SLC4A10: variants seen among roughly 807,000 people sequenced by gnomAD.
The protein encoded by SLC4A10 is sodium-driven chloride bicarbonate exchanger.
A neutral mutation model predicts 137.7 loss-of-function variants in SLC4A10; 42 were observed. The observed-to-expected ratio is 0.30, with a 90% CI of 0.24 to 0.39. SLC4A10 has a LOEUF of 0.39. Among genes scored for constraint, SLC4A10 ranks in the 10% least tolerant of loss-of-function variants. The pLI is 1.00. For missense variants in SLC4A10, 925 were observed against 1,355.0 expected, an observed-to-expected ratio of 0.68 and a Z score of 4.98; for synonymous variants, 474 against 464.1, an observed-to-expected ratio of 1.02 and a Z score of -0.27.
intron 20 of SLC4A10, 134 bp downstream of exon 20, chr2:161,957,374 G>GT (rs1416474604): frequency 9.4e-7 from 1 of 1,067,614 alleles, no homozygotes; most frequent in Non-Finnish European, 1.3e-6. Context: ...TCTGAACCAT[G>GT]TTTATATAAT....
At chr2:161,895,630 C>A (rs1356699921) in intron 11 of SLC4A10, among the ~76,000 whole-genome samples, 1 of 152,038 alleles carries the variant, frequency 6.6e-6, no homozygotes, top group Admixed American at 6.6e-5. Context: ...TGGTATCTCA[C>A]TGTGTTTTTG....
chr2:161,873,039 T>G (rs1004416450), intron 7 of SLC4A10, among the ~76,000 whole-genome samples: 1 of 152,140 alleles, frequency 6.6e-6, no homozygotes, highest in African/African-American at 2.4e-5. Flanking sequence ...TTTAAAAACT[T>G]TGGCTAGTTT....
intron 2 of SLC4A10, among the ~76,000 whole-genome samples, chr2:161,794,585 C>T (rs898134006): frequency 1.3e-5 from 2 of 152,048 alleles, no homozygotes; most frequent in Non-Finnish European, 2.9e-5. Context: ...GTCTAATATA[C>T]TAGCCTTATT....
At chr2:161,749,046 A>G (rs2048681268) in intron 1 of SLC4A10, among the ~76,000 whole-genome samples, 1 of 151,906 alleles carries the variant, frequency 6.6e-6, no homozygotes, top group South Asian at 2.1e-4. Flanking sequence ...GCTATTGTAA[A>G]TGAGGTTGTT....
intron 10 of SLC4A10, among the ~76,000 whole-genome samples, chr2:161,888,483 T>C (rs1403097778): frequency 1.3e-5 from 2 of 152,220 alleles, no homozygotes; most frequent in Non-Finnish European, 1.5e-5. Flanking sequence ...CAGTGGTTTC[T>C]AGTTCTCCTT....
intron 23 of SLC4A10, 136 bp downstream of exon 23, chr2:161,965,309 AGTTTGGAAGTTTAATGTTTAAAAT>A: frequency 2.5e-6 from 2 of 800,242 alleles, no homozygotes; most frequent in African/African-American, 3.5e-5. Context: ...CAAGTAGACT[AGTTTGGAAGTTTAATGTTTAAAAT>A]CATAAAGATT....
At chr2:161,659,132 A>G (rs1230237429) in intron 1 of SLC4A10, among the ~76,000 whole-genome samples, 2 of 152,224 alleles carry the variant, frequency 1.3e-5, no homozygotes, top group Non-Finnish European at 2.9e-5. Flanking sequence ...TAATTACAAT[A>G]GCAAAGATAT....
At chr2:161,857,643 T>C (rs975490163) in intron 5 of SLC4A10, among the ~76,000 whole-genome samples, 4 of 152,336 alleles carry the variant, frequency 2.6e-5, no homozygotes, top group African/African-American at 9.6e-5. Flanking sequence ...TTTCTTATTT[T>C]TTACTTCTCC....
chr2:161,933,318 C>T (rs1361420571), intron 15 of SLC4A10, among the ~76,000 whole-genome samples: 1 of 141,622 alleles, frequency 7.1e-6, no homozygotes, highest in East Asian at 2.1e-4. Context: ...CTTTATTTCT[C>T]TCTCTTTTCT....
intron 3 of SLC4A10, among the ~76,000 whole-genome samples, chr2:161,830,601 A>G (rs2058373876): frequency 6.6e-6 from 1 of 152,072 alleles, no homozygotes; most frequent in Non-Finnish European, 1.5e-5. Context: ...GATATATTTT[A>G]TTACCCTACT....
intron 1 of SLC4A10, among the ~76,000 whole-genome samples, chr2:161,738,877 G>C (rs1261787907): frequency 6.6e-6 from 1 of 152,142 alleles, no homozygotes; most frequent in African/African-American, 2.4e-5. Flanking sequence ...GATAGGGCAA[G>C]GTTATGTAAG....
intron 18 of SLC4A10, among the ~76,000 whole-genome samples, chr2:161,949,568 G>A (rs1374258092): frequency 6.6e-6 from 1 of 151,876 alleles, no homozygotes; most frequent in Non-Finnish European, 1.5e-5. Context: ...AAGAGAAAAG[G>A]ATTATCTTGG....
intron 23 of SLC4A10, 133 bp downstream of exon 23, chr2:161,965,306 A>G (rs1697393725): frequency 7.2e-6 from 6 of 831,476 alleles, no homozygotes; most frequent in Middle Eastern, 3.2e-4. Flanking sequence ...CCACAAGTAG[A>G]CTAGTTTGGA....
intron 3 of SLC4A10, among the ~76,000 whole-genome samples, chr2:161,837,595 TA>T (rs1418489316): frequency 6.6e-6 from 1 of 152,162 alleles, no homozygotes; most frequent in Non-Finnish European, 1.5e-5. Flanking sequence ...AAACTTGTTC[TA>T]AAATGTATAT....
chr2:161,724,693 T>C (rs569740987), intron 1 of SLC4A10, among the ~76,000 whole-genome samples: 1 of 152,302 alleles, frequency 6.6e-6, no homozygotes, highest in Non-Finnish European at 1.5e-5. Context: ...CTCTCAAGCC[T>C]CTTAAAATGT....
Position 161,937,257 on chromosome 2 carries a change from G to A in SLC4A10, c.1998-5535G>A, listed in dbSNP as rs144948994. Among the ~76,000 whole-genome samples the A allele has an allele frequency of 3.8e-4, 58 of 152,100 alleles. 1 individual carries two copies. The highest frequency in any genetic ancestry group is 1.3e-3 in the African/African-American group (54 of 41,510). On this transcript the variant is annotated intron_variant, in intron 15 of 26. Transcript: ENST00000446997. ...TTAATGATCTGGACCTTAAATGATG[G>A]CAGCATAATCAATGTTAATCACAAA...
chr2:161,965,423 C>G (rs1156736761), intron 23 of SLC4A10, among the ~76,000 whole-genome samples: 1 of 152,104 alleles, frequency 6.6e-6, no homozygotes, highest in African/African-American at 2.4e-5. Flanking sequence ...CTAAAATACC[C>G]TCCAAATTGT....
At chr2:161,877,739 A>G (rs2061522931) in intron 8 of SLC4A10, among the ~76,000 whole-genome samples, 1 of 152,042 alleles carries the variant, frequency 6.6e-6, no homozygotes, top group African/African-American at 2.4e-5. Flanking sequence ...GTACATTTGT[A>G]GCTTAAAAAT....
chr2:161,964,441 G>T (rs764105867), intron 22 of SLC4A10, 133 bp downstream of exon 22: 2 of 967,244 alleles, frequency 2.1e-6, no homozygotes, highest in South Asian at 3.2e-5. Flanking sequence ...TTTTGGCACT[G>T]AAAGTGTGAC....
Sources: gnomAD v4.1 joint callset for allele counts (sites outside exome capture counted in the v4.1 genomes callset) on GRCh38, gnomAD v4.1.1 for gene constraint, MANE v1.5 for transcripts, NCBI Gene and HGNC (gene_info 2026-07-23, HGNC 2026-07-21) for gene names.